The following SYT7 variants were observed in gnomAD, a reference collection of about 807,000 sequenced individuals.
SYT7 encodes synaptotagmin 7, also known as synaptotagmin-7.
Under a neutral mutation model 75.1 loss-of-function variants are expected in SYT7, and 29 were observed. The observed-to-expected ratio is 0.39, with a 90% CI of 0.29 to 0.53. The LOEUF (loss-of-function observed/expected upper bound fraction) is 0.53, where lower values mean the gene tolerates loss of function less well. Among genes scored for constraint, SYT7 ranks in the 20% least tolerant of loss-of-function variants. The probability of loss-of-function intolerance (pLI) is 0.77; values close to 1 mark genes in which losing one functional copy is unlikely to be tolerated. For synonymous variants in SYT7, 376 were observed against 401.7 expected (o/e 0.94, Z 0.76); for missense variants, 693 against 953.2 (o/e 0.73, Z 3.59).
chr11:61,564,285 C>T (rs2063710725), intron 1 of SYT7, among the ~76,000 whole-genome samples: 1 of 152,198 alleles, frequency 6.6e-6, no homozygotes, highest in African/African-American at 2.4e-5. Flanking sequence ...CTCCCCACAC[C>T]CAGCCCTTCC....
chr11:61,519,167 T>C (rs567947643), intron 12 of SYT7, among the ~76,000 whole-genome samples: 1 of 152,292 alleles, frequency 6.6e-6, no homozygotes, highest in South Asian at 2.1e-4. Flanking sequence ...CCTACAACTG[T>C]GAGGTAGGAT....
chr11:61,546,281 G>C lies in SYT7; in HGVS notation c.348-26C>G. On this transcript the variant is annotated intron_variant, in intron 4 of 12. Coordinates refer to ENST00000539008, the MANE Select transcript of SYT7 (RefSeq NM_001365809.2). This position sits in a 1 kb window ranked among gnomAD's most constrained non-coding sequence, Gnocchi z 7.6. ...CTGGAGGCATGCACGAGGCAGCCAGGCCAGAGGGGCACCGGGGGTGGCGGT... is the reference window on the plus strand; with the variant it reads ...CTGGAGGCATGCACGAGGCAGCCAGCCCAGAGGGGCACCGGGGGTGGCGGT... 1 of 1,406,116 alleles carries C rather than the reference G, an allele frequency of 7.1e-7. No homozygotes were observed. Among genetic ancestry groups the C allele is most frequent in the East Asian group, 2.8e-5 (1 of 35,822 alleles). 87.1% of individuals were successfully genotyped at this position (1,406,116 alleles called of 1,614,324 possible).
intron 9 of SYT7, among the ~76,000 whole-genome samples, chr11:61,527,038 AGGCCCT>A (rs1316691373): frequency 6.6e-6 from 1 of 152,170 alleles, no homozygotes; most frequent in African/African-American, 2.4e-5. Context: ...TGGCACCCAA[AGGCCCT>A]GGGATAGAAA....
At position 61,523,960 on chromosome 11, in the gene SYT7, G is replaced by A. The variant is rs367769128; in HGVS notation, c.1642-19C>T. On this transcript the variant is annotated intron_variant, in intron 10 of 12. Coordinates refer to ENST00000539008, the MANE Select transcript of SYT7 (RefSeq NM_001365809.2). The surrounding 1 kb of genome is among the most constrained non-coding windows in gnomAD (Gnocchi z 5.0). ...GGCTCCCCTGGGAGGCACGACAGGAGGGGTGTGGGGAACTAGGCTAGCAGA... is the reference window on the plus strand; with the variant it reads ...GGCTCCCCTGGGAGGCACGACAGGAAGGGTGTGGGGAACTAGGCTAGCAGA... 148 of 1,610,736 alleles carry A rather than the reference G, an allele frequency of 9.2e-5. No homozygotes were observed. In the African/African-American group the frequency reaches 1.7e-3, roughly 18 times the overall value.
intron 6 of SYT7, chr11:61,541,115 G>C (rs1451567632): frequency 2.0e-6 from 2 of 985,412 alleles, no homozygotes; most frequent in East Asian, 1.1e-4. Context: ...GGAAGCCCTG[G>C]CTGAGGTCTC....
At chr11:61,566,335 G>A (rs2063767842) in intron 1 of SYT7, among the ~76,000 whole-genome samples, 1 of 152,210 alleles carries the variant, frequency 6.6e-6, no homozygotes. Flanking sequence ...CTGGCCTAGG[G>A]AGGCCTGGTG....
In SYT7 at chr11:61,542,701, G is replaced by A. The variant is rs977380725; in HGVS notation, c.573-122C>T. ...TGCAGGGTGCGCGCTGCCGGACCTC[G>A]CCAGGCCTCCATCGGAGCTGTCGCC... On this transcript the variant is annotated intron_variant, in intron 5 of 12. Transcript: ENST00000539008. The surrounding 1 kb of genome is among the most constrained non-coding windows in gnomAD (Gnocchi z 7.8). The A allele has an allele frequency of 4.7e-5, 65 of 1,373,040 alleles. No individual in the cohort carries two copies. Among genetic ancestry groups the A allele is most frequent in the African/African-American group, 6.1e-5 (4 of 65,238 alleles). 85.1% of individuals were successfully genotyped at this position (1,373,040 alleles called of 1,614,324 possible). A position where few individuals can be genotyped will look rare whatever the true frequency, so the allele number is the denominator to read the frequency against.
In SYT7 at chr11:61,533,492, G is replaced by A. The variant is rs923447815; in HGVS notation, c.1065-368C>T. On this transcript the variant is annotated intron_variant, in intron 7 of 12. Transcript: ENST00000539008. ...CTCAGAGGCTTGTTCTATCCCATCC[G>A]CCCCCAGCCTGGAAGGGGGAGGCTC... 29 of 985,216 alleles carry A rather than the reference G, an allele frequency of 2.9e-5. 1 individual carries two copies. The highest frequency in any genetic ancestry group is 3.5e-5 in the African/African-American group (2 of 57,196). The allele number at this position is 985,216 out of a possible 1,614,324, so 61.0% of individuals were successfully genotyped here.
intron 2 of SYT7, among the ~76,000 whole-genome samples, 188 bp downstream of exon 2, chr11:61,555,916 G>GTGCA (rs2063489347): frequency 4.6e-5 from 7 of 152,194 alleles, no homozygotes; most frequent in Non-Finnish European, 1.5e-5. Context: ...AACGCAGGGT[G>GTGCA]TGCATGCATG....
chr11:61,536,557 T>C (rs2062875633), intron 7 of SYT7, among the ~76,000 whole-genome samples: 1 of 152,160 alleles, frequency 6.6e-6, no homozygotes, highest in Non-Finnish European at 1.5e-5. Context: ...ACAGCTCCTG[T>C]AGTGCCCAGG....
rs1266134964 is a variant in SYT7, at chr11:61,553,484, G to C, written c.136-2021C>G. ...AGGAAGGGCACGGTCAGCCCTTTCC[G>C]AGCAGCGCCCCCACAGACATCCTGG... is the stretch of plus-strand genomic sequence containing the variant. On this transcript the variant is annotated intron_variant, in intron 2 of 12. Coordinates refer to ENST00000539008, the MANE Select transcript of SYT7 (RefSeq NM_001365809.2). The surrounding 1 kb of genome is among the most constrained non-coding windows in gnomAD (Gnocchi z 5.2). Among the ~76,000 whole-genome samples the C allele has an allele frequency of 6.6e-6, 1 of 152,172 alleles. No individual in the cohort carries two copies. Among genetic ancestry groups the C allele is most frequent in the African/African-American group, 2.4e-5 (1 of 41,432 alleles).
intron 7 of SYT7, among the ~76,000 whole-genome samples, chr11:61,536,185 G>A (rs1282500779): frequency 6.6e-6 from 1 of 152,150 alleles, no homozygotes; most frequent in Non-Finnish European, 1.5e-5. Context: ...TGGTGGCGAG[G>A]GCACGCGGCC....
upstream of SYT7, among the ~76,000 whole-genome samples, chr11:61,586,092 G>T (rs559943878): frequency 1.3e-5 from 2 of 152,000 alleles, no homozygotes; most frequent in East Asian, 3.9e-4. Flanking sequence ...TACAGGGCCA[G>T]AAACCATATT....
At position 61,546,810 on chromosome 11, in the gene SYT7, GGGGA is replaced by G. The variant is rs2063205617; in HGVS notation, c.347+363_347+366del. Among the ~76,000 whole-genome samples the G allele has an allele frequency of 6.6e-6, 1 of 152,074 alleles. No individual in the cohort carries two copies. Among genetic ancestry groups the G allele is most frequent in the African/African-American group, 2.4e-5 (1 of 41,376 alleles). ...CCGAGCAGCCACGGCAGCACACAGC[GGGGA>G]GGAAGAAGCGACCACAACCGAGGGG... On this transcript the variant is annotated intron_variant, in intron 4 of 12. Transcript: ENST00000539008. The surrounding 1 kb of genome is among the most constrained non-coding windows in gnomAD (Gnocchi z 7.6).
At chr11:61,535,204 G>T (rs2062834029) in intron 7 of SYT7, among the ~76,000 whole-genome samples, 1 of 152,168 alleles carries the variant, frequency 6.6e-6, no homozygotes, top group East Asian at 1.9e-4. Context: ...CAGAAGGAGA[G>T]AGAGGCCAAG....
At chr11:61,532,300 AG>A (rs780205673) in intron 8 of SYT7, among the ~76,000 whole-genome samples, 26 of 152,152 alleles carry the variant, frequency 1.7e-4, no homozygotes, top group Non-Finnish European at 3.7e-4. Context: ...CTCTTTGGAA[AG>A]TACAGGTGGG....
chr11:61,558,175 G>A lies in SYT7; in HGVS notation c.32-1968C>T, dbSNP rs919306541. Among the ~76,000 whole-genome samples the A allele has an allele frequency of 2.0e-5, 3 of 152,184 alleles. No individual in the cohort carries two copies. The East Asian group carries it at 5.8e-4, about 29-fold the overall frequency. ...CAACTATCTATTAAGAATATATTATGAGTGGGCATGGTGGCTCATGCCTGT... is the reference window on the plus strand; with the variant it reads ...CAACTATCTATTAAGAATATATTATAAGTGGGCATGGTGGCTCATGCCTGT... On this transcript the variant is annotated intron_variant, in intron 1 of 12. Transcript: ENST00000539008.
At chr11:61,560,819 T>A (rs2063618829) in intron 1 of SYT7, among the ~76,000 whole-genome samples, 2 of 152,024 alleles carry the variant, frequency 1.3e-5, no homozygotes, top group African/African-American at 2.4e-5. Flanking sequence ...GGCAGCCCTG[T>A]TGGTGACAGG....
chr11:61,556,066 C>T (rs142914131), intron 2 of SYT7, 38 bp downstream of exon 2: 1 of 1,559,790 alleles, frequency 6.4e-7, no homozygotes, highest in South Asian at 1.1e-5. Context: ...GTGTGCAGGG[C>T]TAGGCACCAC....
Sources: gnomAD v4.1 joint callset for allele counts (sites outside exome capture counted in the v4.1 genomes callset) on GRCh38, gnomAD v4.1.1 for gene constraint, Gnocchi (gnomAD v3.1) non-coding constraint, MANE v1.5 for transcripts, NCBI Gene and HGNC (gene_info 2026-07-23, HGNC 2026-07-21) for gene names.